ADGRV1: variants seen among roughly 807,000 people sequenced by gnomAD.
ADGRV1 encodes G-protein coupled receptor 98.
In ADGRV1, 359 loss-of-function variants were observed where a neutral mutation model predicts 596.2. The observed-to-expected ratio is 0.60, with a 90% CI of 0.55 to 0.66. The LOEUF (loss-of-function observed/expected upper bound fraction) is 0.66, where lower values mean the gene tolerates loss of function less well. Ranked by LOEUF, ADGRV1 falls within the 30% of genes least tolerant of loss-of-function variation. The probability of loss-of-function intolerance (pLI) is 0.00; values close to 1 mark genes in which losing one functional copy is unlikely to be tolerated. For synonymous variants in ADGRV1, 2,681 were observed against 2,679.2 expected, an observed-to-expected ratio of 1.00 and a Z score of -0.02; for missense variants, 7,274 against 7,575.6, an observed-to-expected ratio of 0.96 and a Z score of 1.48.
At chr5:91,092,543 A>T (rs1019310553) in intron 86 of ADGRV1, 2 of 152,256 alleles carry the variant, frequency 1.3e-5, no homozygotes, top group African/African-American at 2.4e-5. Flanking sequence ...AAAGGGTTCT[A>T]TAGCCAAACA....
At chr5:91,028,704 C>T (rs1784218576) in intron 85 of ADGRV1, among the ~76,000 whole-genome samples, 1 of 148,356 alleles carries the variant, frequency 6.7e-6, no homozygotes, top group African/African-American at 2.5e-5. Flanking sequence ...ATGTCTGAGC[C>T]AAAGTCCAAG....
At chr5:90,702,676 G>T in intron 34 of ADGRV1, among the ~76,000 whole-genome samples, 1 of 151,898 alleles carries the variant, frequency 6.6e-6, no homozygotes, top group Admixed American at 6.5e-5. Context: ...AATGTTTGAA[G>T]ATATTACTTA....
chr5:90,774,769 T>C (rs1758048926), intron 60 of ADGRV1, among the ~76,000 whole-genome samples: 1 of 152,190 alleles, frequency 6.6e-6, no homozygotes, highest in African/African-American at 2.4e-5. Flanking sequence ...CTAAATGTAA[T>C]CTGTTTTGTC....
chr5:90,661,975 T>C (rs1358004150), intron 21 of ADGRV1, among the ~76,000 whole-genome samples: 4 of 152,154 alleles, frequency 2.6e-5, no homozygotes, highest in Non-Finnish European at 5.9e-5. Flanking sequence ...TTACTGGACA[T>C]TATTCCTGAC....
At chr5:90,877,866 C>A (rs1769369131) in intron 83 of ADGRV1, among the ~76,000 whole-genome samples, 1 of 151,792 alleles carries the variant, frequency 6.6e-6, no homozygotes, top group Non-Finnish European at 1.5e-5. Context: ...TTACCTCTTA[C>A]ATGCCCTTTC....
Position 90,684,180 on chromosome 5 carries a change from G to A in ADGRV1, c.6259G>A (p.Val2087Ile). The A allele has an allele frequency of 6.2e-7, 1 of 1,610,294 alleles. No homozygotes were observed. The highest frequency in any genetic ancestry group is 1.3e-5 in the African/African-American group (1 of 74,844). ...ELLNSTLVAK[V>I]QSRSIPNSPR... ...ACTCAACTCTACTTTAGTAGCGAAAGTACAGAGTCGTTCAAGTAAGTATCC... is the reference window on the plus strand; with the variant it reads ...ACTCAACTCTACTTTAGTAGCGAAAATACAGAGTCGTTCAAGTAAGTATCC... The change falls in exon 28 of 90, where the codon GTA (valine) becomes ATA (isoleucine). Residue 2087 changes from valine (V) to isoleucine (I), a missense_variant. By Grantham distance (29) the Val-to-Ile change is conservative (BLOSUM62 3). Transcript: ENST00000405460.
At chr5:90,631,398 G>A (rs1765481422) in intron 9 of ADGRV1, among the ~76,000 whole-genome samples, 1 of 151,978 alleles carries the variant, frequency 6.6e-6, no homozygotes, top group South Asian at 2.1e-4. Flanking sequence ...TTGTCCAAGG[G>A]GCTTAGTGGG....
intron 1 of ADGRV1, among the ~76,000 whole-genome samples, chr5:90,612,864 T>C (rs923551693): frequency 1.3e-5 from 2 of 152,222 alleles, no homozygotes; most frequent in East Asian, 1.9e-4. Flanking sequence ...TCTAACACGA[T>C]TCCTCACACT....
In ADGRV1 at chr5:91,070,063, C is replaced by A. The variant is rs562844598; in HGVS notation, c.18153-2384C>A. Among the ~76,000 whole-genome samples, 15 of 152,188 alleles carry A rather than the reference C, an allele frequency of 9.9e-5. No individual in the cohort carries two copies. In the South Asian group the frequency reaches 3.1e-3, roughly 32 times the overall value. On this transcript the variant is annotated intron_variant, in intron 85 of 89. Transcript: ENST00000405460. The stretch of plus-strand genomic sequence containing the variant: ...ATAAGTGGAAGCTAAGCATTGGGTA[C>A]TCTTGGACGTAAAGATGGCAACAGT...
chr5:90,634,334 G>A (rs1049817429), intron 9 of ADGRV1, among the ~76,000 whole-genome samples: 9 of 152,166 alleles, frequency 5.9e-5, no homozygotes, highest in African/African-American at 1.9e-4. Context: ...TCTATGTCAA[G>A]CCTACGTCAT....
At chr5:90,666,952 G>A (rs1771531429) in intron 21 of ADGRV1, among the ~76,000 whole-genome samples, 1 of 151,926 alleles carries the variant, frequency 6.6e-6, no homozygotes, top group African/African-American at 2.4e-5. Context: ...ACTCTCTTCT[G>A]GCTTGTAGGG....
chr5:90,576,596 T>C (rs550840647), intron 1 of ADGRV1, among the ~76,000 whole-genome samples: 2 of 152,310 alleles, frequency 1.3e-5, no homozygotes, highest in Admixed American at 1.3e-4. Flanking sequence ...GTCTTTATAG[T>C]AGCATGATTT....
At chr5:90,637,414 T>G (rs957553091) in intron 10 of ADGRV1, among the ~76,000 whole-genome samples, 3 of 152,194 alleles carry the variant, frequency 2.0e-5, no homozygotes, top group African/African-American at 7.2e-5. Flanking sequence ...TGCTGTATGT[T>G]TTTCACAATT....
At chr5:91,062,435 G>C (rs1200508920) in intron 85 of ADGRV1, among the ~76,000 whole-genome samples, 1 of 152,228 alleles carries the variant, frequency 6.6e-6, no homozygotes, top group Non-Finnish European at 1.5e-5. Context: ...GAGAGTGGGG[G>C]TGGAGGATGT....
At position 90,896,458 on chromosome 5, in the gene ADGRV1, A is replaced by G. The variant is rs1771331809; in HGVS notation, c.17856+32601A>G. ...GCTAATTTATTTTTGTATTATTTGT[A>G]GAGATAGGGTTTTGCCATGTTGCCC... On this transcript the variant is annotated intron_variant, in intron 83 of 89. Transcript: ENST00000405460. 3.3e-5 allele frequency among the ~76,000 whole-genome samples: 5 copies of G among 151,766 alleles called. No individual in the cohort carries two copies. The South Asian group carries it at 1.0e-3, about 32-fold the overall frequency.
At position 91,046,150 on chromosome 5, in the gene ADGRV1, A is replaced by G. The variant is rs538198388; in HGVS notation, c.18153-26297A>G. Among the ~76,000 whole-genome samples, 3 of 152,242 alleles carry G rather than the reference A, an allele frequency of 2.0e-5. No individual in the cohort carries two copies. The East Asian group carries it at 5.8e-4, about 29-fold the overall frequency. On this transcript the variant is annotated intron_variant, in intron 85 of 89. Transcript: ENST00000405460. ...ACAAAATATCATCATCATTCTTCACAGAACTAGAAAAAACAATCCTAAAAT... is the reference window on the plus strand; with the variant it reads ...ACAAAATATCATCATCATTCTTCACGGAACTAGAAAAAACAATCCTAAAAT...
In ADGRV1 at chr5:90,863,740, C is replaced by T. The variant is rs771810874; in HGVS notation, c.17756-17C>T. ...CATGGATTATTAAACCATATGTGGA[C>T]TTTTTTGTTCCTACAGGTCTTTGCT... On this transcript the variant is annotated splice_polypyrimidine_tract_variant and intron_variant, in intron 82 of 89. Coordinates refer to ENST00000405460, the MANE Select transcript of ADGRV1 (RefSeq NM_032119.4). 9 of 1,575,984 alleles carry T rather than the reference C, an allele frequency of 5.7e-6. No individual in the cohort carries two copies. In the South Asian group the frequency reaches 8.9e-5, roughly 16 times the overall value.
At chr5:90,593,715 T>C (rs1160951433) in intron 1 of ADGRV1, among the ~76,000 whole-genome samples, 3 of 152,034 alleles carry the variant, frequency 2.0e-5, no homozygotes, top group African/African-American at 7.3e-5. Flanking sequence ...AAATACCACC[T>C]GTTCTCCCGA....
chr5:90,802,806 T>C lies in ADGRV1; in HGVS notation c.14585T>C (p.Phe4862Ser). 1 of 1,612,884 alleles carries C rather than the reference T, an allele frequency of 6.2e-7. No individual in the cohort carries two copies. Among genetic ancestry groups the C allele is most frequent in the African/African-American group, 1.3e-5 (1 of 75,018 alleles). The change falls in exon 71 of 90, where the codon TTC (phenylalanine) becomes TCC (serine). Residue 4862 changes from phenylalanine (F) to serine (S), a missense_variant. Physicochemically the swap from Phe to Ser is radical, Grantham distance 155. Around this residue, in one of 5 missense-constraint regions of ADGRV1, gnomAD observed 1,874 missense variants for 1,970.2 expected, o/e 0.95. Transcript: ENST00000405460. ...LVTVMLVGGR[F>S]YGMPTILQEA... ...ACTGTGATGCTTGTCGGTGGACGTT[T>C]CTATGGAATGCCAACAATTCTTCAG... is the stretch of plus-strand genomic sequence containing the variant.
Sources: allele counts gnomAD v4.1 joint callset (sites outside exome capture counted in the v4.1 genomes callset), GRCh38; gene constraint gnomAD v4.1.1; regional missense constraint gnomAD v4.1.1; transcripts MANE v1.5; gene names NCBI Gene and HGNC (gene_info 2026-07-23, HGNC 2026-07-21).